Variants in VDAC1 observed in about 807,000 individuals in gnomAD.
The protein encoded by VDAC1 is non-selective voltage-gated ion channel VDAC1.
VDAC1 carries 10 observed loss-of-function variants against 34.7 expected under a neutral mutation model. The observed-to-expected ratio is 0.29, with a 90% CI of 0.18 to 0.49. The LOEUF (loss-of-function observed/expected upper bound fraction) is 0.49. Ranked by LOEUF, VDAC1 falls within the 20% of genes least tolerant of loss-of-function variation. VDAC1 has a pLI of 0.99. For synonymous variants in VDAC1, 130 were observed against 136.0 expected (o/e 0.96, Z 0.30); for missense variants, 230 against 347.9 (o/e 0.66, Z 2.69).
the VDAC1 span, among the ~76,000 whole-genome samples, chr5:134,098,611 T>C: frequency 2.0e-5 from 3 of 152,242 alleles, no homozygotes; most frequent in South Asian, 2.1e-4. Flanking sequence ...GGTGTCCTGG[T>C]GGCCCTGACC....
chr5:134,112,017 T>A, the VDAC1 span, among the ~76,000 whole-genome samples: 1 of 152,134 alleles, frequency 6.6e-6, no homozygotes, highest in East Asian at 1.9e-4. Context: ...TAGTAATCAC[T>A]CAGTATATGA....
chr5:134,055,624 G>A, the VDAC1 span, among the ~76,000 whole-genome samples: 2 of 91,692 alleles, frequency 2.2e-5, no homozygotes, highest in African/African-American at 9.9e-5. Flanking sequence ...TTTTTTAGTA[G>A]AGACAGGGTT....
chr5:134,082,237 A>G, the VDAC1 span, among the ~76,000 whole-genome samples: 3 of 152,072 alleles, frequency 2.0e-5, no homozygotes, highest in Non-Finnish European at 4.4e-5. Context: ...TTCCACCCCA[A>G]TCCTCAGGCA....
chr5:134,108,409 C>T, the VDAC1 span, among the ~76,000 whole-genome samples: 1 of 152,108 alleles, frequency 6.6e-6, no homozygotes, highest in Non-Finnish European at 1.5e-5. Flanking sequence ...TTTGGGCAGG[C>T]GGGAGGCCTG....
At chr5:134,039,546 G>A in the VDAC1 span, among the ~76,000 whole-genome samples, 230 of 152,116 alleles carry the variant, frequency 1.5e-3, 1 homozygote, top group African/African-American at 5.2e-3. Flanking sequence ...AGCCAGGATG[G>A]TCTCGATCTG....
chr5:134,082,335 G>A, the VDAC1 span, among the ~76,000 whole-genome samples: 1 of 152,034 alleles, frequency 6.6e-6, no homozygotes, highest in East Asian at 1.9e-4. Flanking sequence ...ACTCTCTTTT[G>A]CCTGGATTTT....
chr5:134,112,293 A>G, the VDAC1 span, among the ~76,000 whole-genome samples: 1 of 152,212 alleles, frequency 6.6e-6, no homozygotes, highest in African/African-American at 2.4e-5. Context: ...ATCGGCTCTA[A>G]TAACTCTTCA....
the VDAC1 span, among the ~76,000 whole-genome samples, chr5:134,053,319 T>C: frequency 6.6e-6 from 1 of 152,126 alleles, no homozygotes; most frequent in Non-Finnish European, 1.5e-5. Context: ...TGGCTTTCAG[T>C]TCCTTCTGAA....
the VDAC1 span, among the ~76,000 whole-genome samples, chr5:134,075,270 ACTG>A: frequency 3.3e-5 from 5 of 152,296 alleles, no homozygotes; most frequent in African/African-American, 4.8e-5. Flanking sequence ...TACGATTCAC[ACTG>A]CTATCTGCAT....
At chr5:134,081,942 C>G in the VDAC1 span, 1 of 157,024 alleles carries the variant, frequency 6.4e-6, no homozygotes, top group South Asian at 1.8e-4. Flanking sequence ...TTCCCGGCAT[C>G]AAGTCCTTTT....
chr5:133,996,981 T>C (rs1205725969), intron 1 of VDAC1, among the ~76,000 whole-genome samples: 1 of 152,128 alleles, frequency 6.6e-6, no homozygotes, highest in African/African-American at 2.4e-5. Flanking sequence ...GAAGCACTGG[T>C]TGCTTCTGAC....
At chr5:134,095,481 T>C in the VDAC1 span, among the ~76,000 whole-genome samples, 1 of 137,248 alleles carries the variant, frequency 7.3e-6, no homozygotes. Flanking sequence ...AGACTCTGTC[T>C]CAGTAAATAA....
the VDAC1 span, among the ~76,000 whole-genome samples, chr5:134,010,974 T>G: frequency 6.6e-6 from 1 of 151,794 alleles, no homozygotes; most frequent in Admixed American, 6.6e-5. Flanking sequence ...ATTCCCTTTT[T>G]TTTTTTTTGT....
chr5:134,111,626 A>G, the VDAC1 span, among the ~76,000 whole-genome samples: 4 of 152,102 alleles, frequency 2.6e-5, no homozygotes. Flanking sequence ...CCCTATACAG[A>G]CCACCAAGAT....
upstream of VDAC1, among the ~76,000 whole-genome samples, chr5:134,007,242 CAAAAA>C (rs56702014): frequency 2.5e-5 from 3 of 120,228 alleles, no homozygotes; most frequent in South Asian, 2.7e-4. Flanking sequence ...GAAACTCTGC[CAAAAA>C]AAAAAAAAAA....
chr5:134,066,382 C>T, the VDAC1 span, among the ~76,000 whole-genome samples: 1 of 152,188 alleles, frequency 6.6e-6, no homozygotes, highest in Admixed American at 6.5e-5. Context: ...CAGCTATAGA[C>T]AATATATAAC....
At chr5:134,072,231 AC>A in the VDAC1 span, among the ~76,000 whole-genome samples, 2 of 152,134 alleles carry the variant, frequency 1.3e-5, no homozygotes, top group East Asian at 3.9e-4. Flanking sequence ...ATGAACAATA[AC>A]CAGTCAAGAG....
chr5:134,044,365 C>T, the VDAC1 span, among the ~76,000 whole-genome samples: 1 of 152,224 alleles, frequency 6.6e-6, no homozygotes, highest in African/African-American at 2.4e-5. Context: ...CACCTGGGTC[C>T]CCTCCCCATC....
the VDAC1 span, among the ~76,000 whole-genome samples, chr5:134,011,636 GTTCTTTTT>G: frequency 1.5e-5 from 2 of 133,248 alleles, no homozygotes; most frequent in African/African-American, 2.8e-5. Context: ...GTCATCACAA[GTTCTTTTT>G]TTTTTTTTTT....
Sources: gnomAD v4.1 joint callset for allele counts (sites outside exome capture counted in the v4.1 genomes callset) on GRCh38, gnomAD v4.1.1 for gene constraint, MANE v1.5 for transcripts, NCBI Gene and HGNC (gene_info 2026-07-23, HGNC 2026-07-21) for gene names.